BAZ2A: variants seen among roughly 807,000 people sequenced by gnomAD.
BAZ2A encodes the protein bromodomain adjacent to zinc finger domain 2A.
A neutral mutation model predicts 199.9 loss-of-function variants in BAZ2A; 34 were observed. The ratio of observed to expected loss-of-function variants is 0.17; its 90% CI spans 0.13 to 0.23. The LOEUF (loss-of-function observed/expected upper bound fraction) is 0.23, where lower values mean the gene tolerates loss of function less well. Ranked by LOEUF, BAZ2A falls within the 10% of genes least tolerant of loss-of-function variation. BAZ2A has a pLI of 1.00. For missense variants in BAZ2A, 2,002 were observed against 2,391.1 expected (o/e 0.84, Z 3.39); for synonymous variants, 857 against 883.9 (o/e 0.97, Z 0.54).
chr12:56,606,777 C>T (rs770965836), intron 10 of BAZ2A, 44 bp from the exon 11 acceptor site: 1 of 1,540,410 alleles, frequency 6.5e-7, no homozygotes, highest in Non-Finnish European at 9.0e-7. Context: ...GGCAGGAAGG[C>T]AGTTCTCTAG....
chr12:56,599,661 A>G, intron 26 of BAZ2A, 41 bp downstream of exon 26: 1 of 1,611,550 alleles, frequency 6.2e-7, no homozygotes, highest in East Asian at 2.2e-5. Context: ...ATAATCTCTG[A>G]TTTCTGTTTG....
chr12:56,614,412 C>T (rs1038941176), intron 3 of BAZ2A: 32 of 343,860 alleles, frequency 9.3e-5, no homozygotes, highest in Non-Finnish European at 1.4e-4. Flanking sequence ...CATTGGGAAA[C>T]GAGAAAACAT....
In BAZ2A at chr12:56,599,946, G is replaced by A; in HGVS notation, c.5025+18C>T. On this transcript the variant is annotated intron_variant, in intron 25 of 28. Coordinates refer to ENST00000549884, the MANE Select transcript of BAZ2A (RefSeq NM_001300905.2). ...CTGGCTGGCCCCTCAGCCTCTCCAG[G>A]CTCTCTCAGCCTCTTACCACTTTGT... 6 of 1,613,682 alleles carry A rather than the reference G, an allele frequency of 3.7e-6. No individual in the cohort carries two copies. Among genetic ancestry groups the A allele is most frequent in the Non-Finnish European group, 4.2e-6 (5 of 1,179,640 alleles).
rs374335069 is a variant in BAZ2A at position 56,602,202 on chromosome 12, G to T, written c.3425-10C>A. 14 of 1,559,142 alleles carry T rather than the reference G, an allele frequency of 9.0e-6. No homozygotes were observed. The African/African-American group carries it at 1.5e-4, about 17-fold the overall frequency. On this transcript the variant is annotated splice_polypyrimidine_tract_variant and intron_variant, in intron 19 of 28. Transcript: ENST00000549884. ...ATCACCTCCTCAGGAACTGTAAAGA[G>T]AAGTAAAGAGTTAAGCCATATGCTG...
In BAZ2A at chr12:56,611,816, G is replaced by A. The variant is rs778926632; in HGVS notation, c.1566C>T (p.Asp522=). The change falls in exon 6 of 29, where the codon GAC becomes GAT. Residue 522 remains aspartate, a synonymous_variant. Transcript: ENST00000549884. ...GTCCTTCTCCAGTGATCTCTTCCAC[G>A]TCAGCAGTGGTTTCTAGAAAGCTGC... The part of the protein sequence containing the change: ...DVSSFLETTA[D]VEEITGEGLT... 7.0e-6 allele frequency: 11 copies of A among 1,566,822 alleles called. No individual in the cohort carries two copies. In the East Asian group the frequency reaches 9.0e-5, roughly 13 times the overall value.
chr12:56,610,058 C>G (rs1447096465), intron 9 of BAZ2A, 56 bp downstream of exon 9: 7 of 1,603,710 alleles, frequency 4.4e-6, no homozygotes, highest in East Asian at 2.2e-5. Context: ...GAAGCTGCAG[C>G]TTGTCCACCA....
chr12:56,637,868 G>C (rs986302944), upstream of BAZ2A, among the ~76,000 whole-genome samples: 1 of 152,040 alleles, frequency 6.6e-6, no homozygotes, highest in East Asian at 1.9e-4. Flanking sequence ...CAAGAGGTAC[G>C]GTTGTCCATC....
intron 1 of BAZ2A, among the ~76,000 whole-genome samples, chr12:56,626,212 C>A (rs184495680): frequency 2.6e-5 from 4 of 152,266 alleles, no homozygotes; most frequent in Admixed American, 1.3e-4. Context: ...ATATATAAGG[C>A]ATATGAGGAC....
At chr12:56,600,622 G>A in intron 23 of BAZ2A, 59 bp downstream of exon 23, 1 of 1,587,736 alleles carries the variant, frequency 6.3e-7, no homozygotes, top group East Asian at 2.2e-5. Context: ...TTTTCTAACA[G>A]GGCATAAGGG....
At chr12:56,610,245 A>G in intron 8 of BAZ2A, 30 bp from the exon 9 acceptor site, 1 of 1,611,470 alleles carries the variant, frequency 6.2e-7, no homozygotes, top group Non-Finnish European at 8.5e-7. Flanking sequence ...TAACATTAAT[A>G]AAGTTGGATC....
At chr12:56,616,320 A>G (rs1950721954) in intron 2 of BAZ2A, among the ~76,000 whole-genome samples, 1 of 152,068 alleles carries the variant, frequency 6.6e-6, no homozygotes, top group Admixed American at 6.6e-5. Flanking sequence ...TGAATTCGCT[A>G]GGGGCCCCCT....
Position 56,603,667 on chromosome 12 carries a change from C to A in BAZ2A, c.3072G>T (p.Arg1024=). ...LKTVLAKRTG[R]SEVEMEGPEE... ...CTGGCCCTTCCATCTCTACTTCAGA[C>A]CGCCCAGTTCGCTTGGCCAGAACAG... Residue 1024 remains arginine (R), a synonymous_variant, in exon 17 of 29, where the codon CGG becomes CGT. Coordinates refer to ENST00000549884, the MANE Select transcript of BAZ2A (RefSeq NM_001300905.2). 1.2e-6 allele frequency: 2 copies of A among 1,614,024 alleles called. No individual in the cohort carries two copies. Among genetic ancestry groups the A allele is most frequent in the Non-Finnish European group, 1.7e-6 (2 of 1,179,902 alleles).
At position 56,614,032 on chromosome 12, in the gene BAZ2A, A is replaced by C. The variant is rs911083941; in HGVS notation, c.837T>G (p.Pro279=). 22 of 1,613,912 alleles carry C rather than the reference A, an allele frequency of 1.4e-5. No homozygotes were observed. The African/African-American group carries it at 2.8e-4, about 21-fold the overall frequency. Residue 279 remains proline (P), a synonymous_variant, in exon 4 of 29, where the codon CCT becomes CCG. Transcript: ENST00000549884. ...PDPTVSCLDD[P]SHLPDQLEDT... The stretch of plus-strand genomic sequence containing the variant: ...CTTCCAGTTGATCAGGAAGATGTGA[A>C]GGATCATCTAAACAGCTCACTGTGG...
chr12:56,636,118 T>A, intron 1 of BAZ2A: 1 of 1,523,038 alleles, frequency 6.6e-7, no homozygotes, highest in Non-Finnish European at 8.9e-7. Flanking sequence ...CCACCCCTGC[T>A]GAGTCAGCCA....
rs768626975 is a variant in BAZ2A at position 56,611,815 on chromosome 12, C to T, written c.1567G>A (p.Val523Met). The T allele has an allele frequency of 1.6e-5, 25 of 1,565,990 alleles. No individual in the cohort carries two copies. The East Asian group carries it at 2.2e-4, about 14-fold the overall frequency. ...VSSFLETTAD[V>M]EEITGEGLTA... ...AGTCCTTCTCCAGTGATCTCTTCCA[C>T]GTCAGCAGTGGTTTCTAGAAAGCTG... The change falls in exon 6 of 29, where the codon GTG becomes ATG. Residue 523 changes from valine (V) to methionine (M), a missense_variant. Physicochemically the swap from Val to Met is conservative, Grantham distance 21. This residue lies in a region of BAZ2A where 641 missense variants were observed against 694.5 expected (regional missense o/e 0.92). Coordinates refer to ENST00000549884, the MANE Select transcript of BAZ2A (RefSeq NM_001300905.2).
At chr12:56,608,866 GCTTT>G (rs1425890261) in intron 10 of BAZ2A, among the ~76,000 whole-genome samples, 3 of 122,398 alleles carry the variant, frequency 2.5e-5, no homozygotes, top group East Asian at 2.1e-4. Flanking sequence ...ACCGTGCCTG[GCTTT>G]TTTTTTTTTT....
chr12:56,630,737 A>C (rs1448516828), upstream of BAZ2A: 2 of 967,706 alleles, frequency 2.1e-6, no homozygotes, highest in African/African-American at 3.5e-5. Context: ...GCGATTCAGT[A>C]AAGGGATGGG....
Position 56,635,944 on chromosome 12 carries a change from G to C in BAZ2A, c.4+238C>G, listed in dbSNP as rs1951437737. Reference sequence around the variant, plus strand: ...CCACGGGGCGGCGGGGAGGGGGCTGGGAAAGCCCTGGCCTAAGATGCGTCT... The same window carrying C: ...CCACGGGGCGGCGGGGAGGGGGCTGCGAAAGCCCTGGCCTAAGATGCGTCT... On this transcript the variant is annotated intron_variant, in intron 1 of 29. Coordinates refer to the BAZ2A transcript ENST00000379441. The surrounding 1 kb of genome is among the most constrained non-coding windows in gnomAD (Gnocchi z 4.1). Among the ~76,000 whole-genome samples the C allele has an allele frequency of 6.6e-6, 1 of 152,174 alleles. No homozygotes were observed. The highest frequency in any genetic ancestry group is 2.4e-5 in the African/African-American group (1 of 41,446).
rs756735051 is a variant in BAZ2A, at chr12:56,603,668, C to T, written c.3071G>A (p.Arg1024Gln). The T allele has an allele frequency of 7.4e-6, 12 of 1,613,904 alleles. No homozygotes were observed. Among genetic ancestry groups the T allele is most frequent in the East Asian group, 2.2e-5 (1 of 44,904 alleles). Residue 1024 changes from arginine to glutamine, a missense_variant, in exon 17 of 29, where the codon CGG becomes CAG. This residue lies in a region of BAZ2A where 1,081 missense variants were observed against 1,274.7 expected (regional missense o/e 0.85). Transcript: ENST00000549884. ...LKTVLAKRTG[R>Q]SEVEMEGPEE... ...TGGCCCTTCCATCTCTACTTCAGACCGCCCAGTTCGCTTGGCCAGAACAGT... is the reference window on the plus strand; with the variant it reads ...TGGCCCTTCCATCTCTACTTCAGACTGCCCAGTTCGCTTGGCCAGAACAGT...
Sources: gnomAD v4.1 joint callset for allele counts (sites outside exome capture counted in the v4.1 genomes callset) on GRCh38, gnomAD v4.1.1 for gene constraint, gnomAD v4.1.1 regional missense constraint, Gnocchi (gnomAD v3.1) non-coding constraint, MANE v1.5 for transcripts, NCBI Gene and HGNC (gene_info 2026-07-23, HGNC 2026-07-21) for gene names.